Variants in TMEM132B observed in about 807,000 individuals in gnomAD.
TMEM132B encodes transmembrane protein 132B.
A neutral mutation model predicts 90.8 loss-of-function variants in TMEM132B; 18 were observed. The observed-to-expected ratio is 0.20, with a 90% CI of 0.14 to 0.29. The LOEUF (loss-of-function observed/expected upper bound fraction) is 0.29, where lower values mean the gene tolerates loss of function less well. TMEM132B is among the 10% of genes least tolerant of loss of function. TMEM132B has a pLI of 1.00. For missense variants in TMEM132B, 1,096 were observed against 1,326.8 expected (o/e 0.83, Z 2.70); for synonymous variants, 504 against 523.3 (o/e 0.96, Z 0.50).
intron 1 of TMEM132B, among the ~76,000 whole-genome samples, chr12:125,214,387 C>T (rs1241199059): frequency 2.0e-5 from 3 of 152,222 alleles, no homozygotes; most frequent in Non-Finnish European, 4.4e-5. Flanking sequence ...ACCAGCTGAG[C>T]AGCCCAGCAG....
rs889197763 is a variant in TMEM132B, at chr12:125,323,921, C to A, written c.68-25531C>A. 9.9e-5 allele frequency among the ~76,000 whole-genome samples: 15 copies of A among 152,222 alleles called. No homozygotes were observed. In the South Asian group the frequency reaches 1.2e-3, roughly 13 times the overall value. On this transcript the variant is annotated intron_variant, in intron 1 of 8. Coordinates refer to ENST00000682704, the MANE Select transcript of TMEM132B (RefSeq NM_001366854.1). ...AAAGGCATCCACAGGGCCTGGCACC[C>A]AGAAAAATCATGTGAGCATTATAGA... is the stretch of plus-strand genomic sequence containing the variant.
At chr12:125,324,623 G>A (rs567022808) in intron 1 of TMEM132B, among the ~76,000 whole-genome samples, 36 of 152,304 alleles carry the variant, frequency 2.4e-4, no homozygotes, top group African/African-American at 7.9e-4. Context: ...CAGCATTAGA[G>A]CCTCATAGGA....
chr12:125,609,088 C>T (rs1885764562), intron 5 of TMEM132B, among the ~76,000 whole-genome samples: 1 of 152,108 alleles, frequency 6.6e-6, no homozygotes, highest in African/African-American at 2.4e-5. Flanking sequence ...CCATCAGTCT[C>T]CTGAGACTCA....
intron 3 of TMEM132B, among the ~76,000 whole-genome samples, chr12:125,515,419 TCACA>T (rs1187361321): frequency 8.1e-6 from 1 of 124,118 alleles, no homozygotes; most frequent in Non-Finnish European, 1.6e-5. Flanking sequence ...AAACATTTGC[TCACA>T]CACTCTCACA....
At chr12:125,403,063 A>T (rs1466573796) in intron 2 of TMEM132B, among the ~76,000 whole-genome samples, 1 of 152,132 alleles carries the variant, frequency 6.6e-6, no homozygotes, top group African/African-American at 2.4e-5. Flanking sequence ...AGCCATTTGG[A>T]GCCTGCCTGT....
rs561620760 is a variant in TMEM132B at position 125,375,802 on chromosome 12, T to C, written c.959+25459T>C. Among the ~76,000 whole-genome samples, 95 of 152,368 alleles carry C rather than the reference T, an allele frequency of 6.2e-4. 1 individual carries two copies. Among genetic ancestry groups the C allele is most frequent in the African/African-American group, 2.3e-3 (94 of 41,596 alleles). On this transcript the variant is annotated intron_variant, in intron 2 of 8. Coordinates refer to ENST00000682704, the MANE Select transcript of TMEM132B (RefSeq NM_001366854.1). ...AATCACCTTCTATATTCCTGTGAAT[T>C]CTTCATTTTGTTACTTCCCTTTCTC...
At chr12:125,289,334 A>G (rs1365230242) in intron 1 of TMEM132B, among the ~76,000 whole-genome samples, 3 of 152,214 alleles carry the variant, frequency 2.0e-5, no homozygotes, top group African/African-American at 7.2e-5. Flanking sequence ...GGCACAAGGC[A>G]CCCTTCTGGT....
chr12:125,187,052 G>T (rs868642322), intron 1 of TMEM132B, among the ~76,000 whole-genome samples, 186 bp downstream of exon 1: 1 of 152,168 alleles, frequency 6.6e-6, no homozygotes. Flanking sequence ...GGGAGAGCCC[G>T]CCTGCCTTCT....
intron 5 of TMEM132B, 94 bp downstream of exon 5, chr12:125,584,088 C>G: frequency 3.2e-6 from 5 of 1,568,574 alleles, no homozygotes; most frequent in Non-Finnish European, 2.6e-6. Flanking sequence ...CTGAGCATCC[C>G]ATGCTCTAAA....
At chr12:125,278,758 C>A (rs528039790) in intron 1 of TMEM132B, among the ~76,000 whole-genome samples, 1 of 152,152 alleles carries the variant, frequency 6.6e-6, no homozygotes, top group South Asian at 2.1e-4. Context: ...ATGGAAGGCT[C>A]TGCAAGAAAA....
chr12:125,398,884 TG>T (rs1879233914), intron 2 of TMEM132B, among the ~76,000 whole-genome samples: 1 of 152,182 alleles, frequency 6.6e-6, no homozygotes. Flanking sequence ...AGGTGTTGTC[TG>T]GGCAGTGTTC....
At chr12:125,318,073 T>C (rs1470591867) in intron 1 of TMEM132B, among the ~76,000 whole-genome samples, 3 of 152,326 alleles carry the variant, frequency 2.0e-5, no homozygotes, top group Non-Finnish European at 2.9e-5. Flanking sequence ...GTAGACATAA[T>C]GTTGGGTGGA....
rs1387532531 is a variant in TMEM132B at position 125,498,886 on chromosome 12, TTA to T, written c.1107-20551_1107-20550del. On this transcript the variant is annotated intron_variant, in intron 3 of 8. Coordinates refer to ENST00000682704, the MANE Select transcript of TMEM132B (RefSeq NM_001366854.1). This position sits in a 1 kb window ranked among gnomAD's most constrained non-coding sequence, Gnocchi z 4.5. Reference sequence around the variant, plus strand: ...AAAGGGCATGCAGGTTTCCTGTGGGTTATCTTTGGGGAAAGTGACCTGGACCT... The same window carrying T: ...AAAGGGCATGCAGGTTTCCTGTGGGTTCTTTGGGGAAAGTGACCTGGACCT... Among the ~76,000 whole-genome samples the T allele has an allele frequency of 2.0e-5, 3 of 152,234 alleles. No homozygotes were observed. Among genetic ancestry groups the T allele is most frequent in the African/African-American group, 7.2e-5 (3 of 41,458 alleles).
chr12:125,264,972 C>T lies in TMEM132B; in HGVS notation c.67+78106C>T, dbSNP rs1024505942. On this transcript the variant is annotated intron_variant, in intron 1 of 8. Coordinates refer to ENST00000682704, the MANE Select transcript of TMEM132B (RefSeq NM_001366854.1). ...AATTTGCTGTTTGGTGATTTTGTCA[C>T]TGTGCGAACATCACAAAGTATATTT... Among the ~76,000 whole-genome samples, 6 of 152,198 alleles carry T rather than the reference C, an allele frequency of 3.9e-5. No individual in the cohort carries two copies. The South Asian group carries it at 1.2e-3, about 32-fold the overall frequency.
intron 2 of TMEM132B, among the ~76,000 whole-genome samples, chr12:125,364,402 TCTTA>T (rs1878060956): frequency 6.6e-6 from 1 of 152,212 alleles, no homozygotes; most frequent in South Asian, 2.1e-4. Context: ...ATTTTACTGT[TCTTA>T]CTTTACTACA....
chr12:125,303,839 TTTTG>T (rs1440538058), intron 1 of TMEM132B, among the ~76,000 whole-genome samples: 1 of 152,208 alleles, frequency 6.6e-6, no homozygotes, highest in Non-Finnish European at 1.5e-5. Flanking sequence ...TTGTTTGTCT[TTTTG>T]TTGCTAAGTT....
At chr12:125,241,443 C>T (rs1874065669) in intron 1 of TMEM132B, among the ~76,000 whole-genome samples, 1 of 152,194 alleles carries the variant, frequency 6.6e-6, no homozygotes, top group Admixed American at 6.5e-5. Context: ...CATGCACATT[C>T]ATGGACCCCT....
intron 3 of TMEM132B, among the ~76,000 whole-genome samples, chr12:125,440,234 T>C (rs1175915138): frequency 2.0e-5 from 3 of 152,234 alleles, no homozygotes; most frequent in African/African-American, 7.2e-5. Flanking sequence ...TTGGCATTCT[T>C]CTGGCTTGAT....
intron 7 of TMEM132B, 95 bp downstream of exon 7, chr12:125,651,048 A>T: frequency 6.7e-7 from 1 of 1,488,550 alleles, no homozygotes; most frequent in Non-Finnish European, 9.1e-7. Flanking sequence ...GCACATGTGC[A>T]TGTGGACATG....
Sources: gnomAD v4.1 joint callset for allele counts (sites outside exome capture counted in the v4.1 genomes callset) on GRCh38, gnomAD v4.1.1 for gene constraint, Gnocchi (gnomAD v3.1) non-coding constraint, MANE v1.5 for transcripts, NCBI Gene and HGNC (gene_info 2026-07-23, HGNC 2026-07-21) for gene names.